The following RBFOX1 variants were observed in gnomAD, a reference collection of about 807,000 sequenced individuals.
RBFOX1 encodes RNA binding protein fox-1 homolog 1.
RBFOX1 carries 8 observed loss-of-function variants against 57.7 expected under a neutral mutation model. The ratio of observed to expected loss-of-function variants is 0.14; its 90% CI spans 0.08 to 0.25. The LOEUF is 0.25. Ranked by LOEUF, RBFOX1 falls within the 10% of genes least tolerant of loss-of-function variation. The probability of loss-of-function intolerance (pLI) is 1.00; values close to 1 mark genes in which losing one functional copy is unlikely to be tolerated. For synonymous variants in RBFOX1, 326 were observed against 222.4 expected, an observed-to-expected ratio of 1.47 and a Z score of -4.15; for missense variants, 611 against 548.5, an observed-to-expected ratio of 1.11 and a Z score of -1.14.
chr16:6,797,969 G>A (rs975249060), intron 3 of RBFOX1, among the ~76,000 whole-genome samples: 1 of 152,054 alleles, frequency 6.6e-6, no homozygotes, highest in Non-Finnish European at 1.5e-5. Flanking sequence ...TGATCACGGT[G>A]ATGGTGATAG....
At chr16:7,482,102 T>C (rs1195456554) in intron 4 of RBFOX1, among the ~76,000 whole-genome samples, 1 of 152,214 alleles carries the variant, frequency 6.6e-6, no homozygotes, top group Non-Finnish European at 1.5e-5. Context: ...GTGATGGTTA[T>C]CATAGCAACA....
At chr16:6,510,180 C>G (rs1448770350) in intron 2 of RBFOX1, among the ~76,000 whole-genome samples, 1 of 152,130 alleles carries the variant, frequency 6.6e-6, no homozygotes, top group African/African-American at 2.4e-5. Flanking sequence ...TGCTCTCTTC[C>G]TCATTATAAA....
intron 4 of RBFOX1, among the ~76,000 whole-genome samples, chr16:5,913,155 T>C (rs1457404492): frequency 1.3e-5 from 2 of 152,188 alleles, no homozygotes; most frequent in Non-Finnish European, 2.9e-5. Flanking sequence ...GGGTGTATGA[T>C]AAGGATAGCA....
chr16:6,957,731 C>G (rs1017905897), intron 3 of RBFOX1, among the ~76,000 whole-genome samples: 3 of 152,068 alleles, frequency 2.0e-5, no homozygotes, highest in African/African-American at 7.2e-5. Context: ...TTACCCAGCC[C>G]CTATTGAAGA....
chr16:5,837,855 C>G (rs558380016), intron 3 of RBFOX1, among the ~76,000 whole-genome samples: 1 of 152,248 alleles, frequency 6.6e-6, no homozygotes, highest in Non-Finnish European at 1.5e-5. Context: ...GCATAGAAGT[C>G]TGTTCTCAAT....
chr16:7,422,198 C>G (rs1367725026), intron 4 of RBFOX1, among the ~76,000 whole-genome samples: 2 of 152,080 alleles, frequency 1.3e-5, no homozygotes, highest in East Asian at 3.9e-4. Context: ...GTGAGAAACA[C>G]TTGGATAGAA....
In RBFOX1 at chr16:5,567,397, A is replaced by C. The variant is rs190616778; in HGVS notation, c.259-31505A>C. ...TCCAAGCTCACTCTTAAGTATAGTAATAAGTCTGAACACAGCCAATCTCTC... is the reference window on the plus strand; with the variant it reads ...TCCAAGCTCACTCTTAAGTATAGTACTAAGTCTGAACACAGCCAATCTCTC... On this transcript the variant is annotated intron_variant, in intron 2 of 2. Coordinates refer to the RBFOX1 transcript ENST00000585867. Among the ~76,000 whole-genome samples, 418 of 152,274 alleles carry C rather than the reference A, an allele frequency of 2.7e-3. 2 individuals are homozygous for C. Among genetic ancestry groups the C allele is most frequent in the African/African-American group, 9.7e-3 (404 of 41,534 alleles).
At chr16:6,685,429 C>T (rs1243869716) in intron 3 of RBFOX1, among the ~76,000 whole-genome samples, 2 of 144,238 alleles carry the variant, frequency 1.4e-5, no homozygotes, top group African/African-American at 5.1e-5. Context: ...GCATGTGCCA[C>T]TATACCCAGC....
intron 3 of RBFOX1, among the ~76,000 whole-genome samples, chr16:6,668,473 G>C (rs1264009343): frequency 6.6e-6 from 1 of 152,184 alleles, no homozygotes; most frequent in Non-Finnish European, 1.5e-5. Context: ...CTTATGTTTT[G>C]GATTTGCAGC....
chr16:5,449,186 G>A (rs190821683), intron 1 of RBFOX1, among the ~76,000 whole-genome samples: 323 of 152,224 alleles, frequency 2.1e-3, no homozygotes, highest in African/African-American at 7.6e-3. Context: ...CCCCACTCCC[G>A]ACAAGGCATC....
intron 4 of RBFOX1, among the ~76,000 whole-genome samples, chr16:7,126,031 T>A (rs1434131908): frequency 1.3e-5 from 2 of 152,076 alleles, no homozygotes; most frequent in East Asian, 3.9e-4. Flanking sequence ...TGCAGTGAGC[T>A]GAGATCGCAC....
intron 3 of RBFOX1, among the ~76,000 whole-genome samples, chr16:6,892,075 A>G (rs1261320206): frequency 6.6e-6 from 1 of 152,090 alleles, no homozygotes; most frequent in Non-Finnish European, 1.5e-5. Flanking sequence ...GATGACATAG[A>G]TCCCATTTCT....
intron 3 of RBFOX1, among the ~76,000 whole-genome samples, chr16:6,818,830 G>A (rs1198482204): frequency 2.0e-5 from 3 of 152,158 alleles, no homozygotes; most frequent in Non-Finnish European, 4.4e-5. Flanking sequence ...CCGTGCCTGG[G>A]CATATCGCCC....
Position 7,640,022 on chromosome 16 carries a change from T to A in RBFOX1, c.757+9339T>A, listed in dbSNP as rs137946063. ...CTCCATCTGCTCAACTTTTCCCATG[T>A]CCCAGCACATTTGATTAACAGATGA... is the stretch of plus-strand genomic sequence containing the variant. On this transcript the variant is annotated intron_variant, in intron 11 of 15. Transcript: ENST00000550418. 3.9e-5 allele frequency among the ~76,000 whole-genome samples: 6 copies of A among 152,318 alleles called. No homozygotes were observed. The East Asian group carries it at 1.2e-3, about 29-fold the overall frequency.
intron 2 of RBFOX1, among the ~76,000 whole-genome samples, chr16:6,510,223 G>C (rs560271099): frequency 5.5e-4 from 84 of 152,266 alleles, no homozygotes; most frequent in African/African-American, 1.9e-3. Context: ...TGTCTCATGT[G>C]GCTGGCATTG....
At chr16:5,331,838 C>A (rs59099345) in intron 1 of RBFOX1, among the ~76,000 whole-genome samples, 7,622 of 152,264 alleles carry the variant, frequency 0.05, 443 homozygotes, top group African/African-American at 0.14. Flanking sequence ...TGGCTGGTGA[C>A]CATGCCCACC....
chr16:6,527,452 G>T (rs1250563711), intron 2 of RBFOX1, among the ~76,000 whole-genome samples: 1 of 152,104 alleles, frequency 6.6e-6, no homozygotes, highest in Non-Finnish European at 1.5e-5. Flanking sequence ...TGTCTATGTT[G>T]CCAGCCTGTG....
chr16:7,073,849 A>C (rs115523597), intron 4 of RBFOX1, among the ~76,000 whole-genome samples: 1,535 of 152,082 alleles, frequency 0.01, 30 homozygotes, highest in African/African-American at 0.035. Context: ...AGAGCAAGGC[A>C]TTGTCTCATA....
At chr16:6,611,831 G>A (rs1159297205) in intron 2 of RBFOX1, among the ~76,000 whole-genome samples, 1 of 152,158 alleles carries the variant, frequency 6.6e-6, no homozygotes, top group East Asian at 1.9e-4. Context: ...CCTCCTCCAA[G>A]GCCCTGTCTC....
Sources: allele counts gnomAD v4.1 joint callset (sites outside exome capture counted in the v4.1 genomes callset), GRCh38; gene constraint gnomAD v4.1.1; transcripts MANE v1.5; gene names NCBI Gene and HGNC (gene_info 2026-07-23, HGNC 2026-07-21).